CRTAC1: variants seen among roughly 807,000 people sequenced by gnomAD.
The protein encoded by CRTAC1 is acidic secreted protein in cartilage.
CRTAC1 carries 37 observed loss-of-function variants against 67.8 expected under a neutral mutation model. That is an observed-to-expected ratio of 0.55 (90% confidence interval 0.42 to 0.72). The LOEUF (loss-of-function observed/expected upper bound fraction) is 0.72, where lower values mean the gene tolerates loss of function less well. CRTAC1 is among the 30% of genes least tolerant of loss of function. The pLI, the probability that CRTAC1 is intolerant of heterozygous loss-of-function variation, is 0.00. For missense variants in CRTAC1, 780 were observed against 931.6 expected, an observed-to-expected ratio of 0.84 and a Z score of 2.12; for synonymous variants, 348 against 371.0, an observed-to-expected ratio of 0.94 and a Z score of 0.71.
intron 4 of CRTAC1, among the ~76,000 whole-genome samples, chr10:97,919,674 C>A (rs544237788): frequency 6.6e-6 from 1 of 152,058 alleles, no homozygotes; most frequent in Non-Finnish European, 1.5e-5. Flanking sequence ...GCAACCACCC[C>A]CTAAGACCTG....
chr10:97,939,894 G>T (rs1343681737), intron 2 of CRTAC1, among the ~76,000 whole-genome samples: 1 of 152,152 alleles, frequency 6.6e-6, no homozygotes, highest in African/African-American at 2.4e-5. Context: ...TTATTCCTGT[G>T]AGGCCAGAAT....
chr10:97,945,370 T>C (rs2051247841), intron 2 of CRTAC1, among the ~76,000 whole-genome samples: 1 of 152,248 alleles, frequency 6.6e-6, no homozygotes, highest in Admixed American at 6.5e-5. Context: ...ATCTAAATGT[T>C]TCCCATTTTG....
chr10:97,941,151 T>C (rs1036283860), intron 2 of CRTAC1, among the ~76,000 whole-genome samples: 5 of 151,658 alleles, frequency 3.3e-5, no homozygotes, highest in Non-Finnish European at 7.4e-5. Flanking sequence ...TCTGTCCTCA[T>C]CCCCCTCGGC....
intron 8 of CRTAC1, among the ~76,000 whole-genome samples, chr10:97,898,832 G>A (rs988685603): frequency 4.6e-5 from 7 of 152,168 alleles, no homozygotes; most frequent in Non-Finnish European, 4.4e-5. Flanking sequence ...CCTGCACACC[G>A]CAGTTGGCCT....
At chr10:97,898,354 G>A (rs1296474393) in intron 8 of CRTAC1, among the ~76,000 whole-genome samples, 3 of 152,148 alleles carry the variant, frequency 2.0e-5, no homozygotes, top group African/African-American at 7.2e-5. Context: ...ACCCAGATTC[G>A]GGCAATCAGG....
intron 2 of CRTAC1, among the ~76,000 whole-genome samples, chr10:97,949,854 A>G (rs1294812326): frequency 6.6e-6 from 1 of 152,240 alleles, no homozygotes; most frequent in Non-Finnish European, 1.5e-5. Flanking sequence ...GAGGATTAGG[A>G]TAATATCTAT....
intron 2 of CRTAC1, among the ~76,000 whole-genome samples, chr10:97,947,571 C>T (rs1202021237): frequency 2.0e-5 from 3 of 152,204 alleles, no homozygotes; most frequent in Non-Finnish European, 2.9e-5. Context: ...GAAAAGTACA[C>T]GTTCCGTGAA....
intron 2 of CRTAC1, among the ~76,000 whole-genome samples, chr10:97,958,484 G>A (rs1218993532): frequency 6.6e-6 from 1 of 152,120 alleles, no homozygotes; most frequent in Non-Finnish European, 1.5e-5. Context: ...TTAACCAACA[G>A]ACTTTATTTT....
chr10:97,879,356 A>T (rs1213108163), intron 14 of CRTAC1, among the ~76,000 whole-genome samples: 1 of 152,188 alleles, frequency 6.6e-6, no homozygotes, highest in Non-Finnish European at 1.5e-5. Context: ...CATCTTTGTT[A>T]AGGGCAAAAT....
In CRTAC1 at chr10:97,960,362, C is replaced by T. The variant is rs139568760; in HGVS notation, c.225-23996G>A. Reference sequence around the variant, plus strand: ...GCAAGGAGAGACCATCATATAAACACCAGCCTCCTCCAAGTCAAACTGGAA... The same window carrying T: ...GCAAGGAGAGACCATCATATAAACATCAGCCTCCTCCAAGTCAAACTGGAA... On this transcript the variant is annotated intron_variant, in intron 2 of 14. Coordinates refer to ENST00000370597, the MANE Select transcript of CRTAC1 (RefSeq NM_018058.7). Among the ~76,000 whole-genome samples, 178 of 152,306 alleles carry T rather than the reference C, an allele frequency of 1.2e-3. 1 individual carries two copies. Among genetic ancestry groups the T allele is most frequent in the African/African-American group, 4.1e-3 (172 of 41,562 alleles).
intron 2 of CRTAC1, among the ~76,000 whole-genome samples, chr10:97,941,522 A>T (rs2051176054): frequency 6.6e-6 from 1 of 151,974 alleles, no homozygotes; most frequent in South Asian, 2.1e-4. Flanking sequence ...GCCACCTCCA[A>T]TAGAACATGT....
chr10:98,010,758 C>T (rs1363888938), intron 2 of CRTAC1, among the ~76,000 whole-genome samples: 1 of 152,198 alleles, frequency 6.6e-6, no homozygotes, highest in African/African-American at 2.4e-5. Flanking sequence ...AATTGTCACC[C>T]TTAAGCCCTT....
intron 13 of CRTAC1, among the ~76,000 whole-genome samples, chr10:97,881,583 G>A (rs967802631): frequency 6.6e-5 from 10 of 152,320 alleles, no homozygotes; most frequent in African/African-American, 1.7e-4. Context: ...TGCTGTGTAC[G>A]AGGCACATAA....
At chr10:98,003,644 T>C (rs925532432) in intron 2 of CRTAC1, among the ~76,000 whole-genome samples, 5 of 152,226 alleles carry the variant, frequency 3.3e-5, no homozygotes, top group African/African-American at 7.2e-5. Context: ...CCAAGGTCTT[T>C]AACTTAATCA....
intron 5 of CRTAC1, among the ~76,000 whole-genome samples, chr10:97,909,601 G>A (rs1014081936): frequency 6.6e-6 from 1 of 152,070 alleles, no homozygotes; most frequent in Admixed American, 6.5e-5. Flanking sequence ...GTATACTGTT[G>A]GTGGGAATGT....
Position 97,967,007 on chromosome 10 carries a change from G to A in CRTAC1, c.225-30641C>T, listed in dbSNP as rs966155208. 1.7e-3 allele frequency among the ~76,000 whole-genome samples: 206 copies of A among 117,788 alleles called. 3 individuals are homozygous for A. The highest frequency in any genetic ancestry group is 3.1e-4 in the Non-Finnish European group (18 of 58,038). The allele number at this position is 117,788 out of a possible 152,430, so 77.3% of individuals were successfully genotyped here. The stretch of plus-strand genomic sequence containing the variant: ...ATTGTAAAGTCACCCCCCCCCCCCC[G>A]ACATCCTACATGCTTCAGAAGGAAG... On this transcript the variant is annotated intron_variant, in intron 2 of 14. Coordinates refer to ENST00000370597, the MANE Select transcript of CRTAC1 (RefSeq NM_018058.7).
At chr10:97,974,098 T>C (rs752796618) in intron 2 of CRTAC1, among the ~76,000 whole-genome samples, 2 of 152,156 alleles carry the variant, frequency 1.3e-5, no homozygotes, top group Non-Finnish European at 2.9e-5. Flanking sequence ...AAAGAACTTC[T>C]AAAGGATGGG....
intron 3 of CRTAC1, among the ~76,000 whole-genome samples, chr10:97,933,519 T>G (rs762924596): frequency 6.6e-6 from 1 of 152,260 alleles, no homozygotes; most frequent in Non-Finnish European, 1.5e-5. Context: ...ATATGCAATG[T>G]CTGGCTGGGG....
chr10:97,876,737 T>C (rs11819606), intron 14 of CRTAC1, among the ~76,000 whole-genome samples: 6,825 of 152,240 alleles, frequency 0.045, 526 homozygotes, highest in African/African-American at 0.15. Context: ...CTTATCTGTG[T>C]GCAGGAGGGG....
Sources: allele counts gnomAD v4.1 joint callset (sites outside exome capture counted in the v4.1 genomes callset), GRCh38; gene constraint gnomAD v4.1.1; transcripts MANE v1.5; gene names NCBI Gene and HGNC (gene_info 2026-07-23, HGNC 2026-07-21).